ATXN1: variants seen among roughly 807,000 people sequenced by gnomAD.
ATXN1 encodes the protein ataxin-1.
In ATXN1, 8 loss-of-function variants were observed where a neutral mutation model predicts 56.4. The ratio of observed to expected loss-of-function variants is 0.14; its 90% CI spans 0.08 to 0.26. ATXN1 has a LOEUF of 0.26. Among genes scored for constraint, ATXN1 ranks in the 10% least tolerant of loss-of-function variants. ATXN1 has a pLI of 1.00. For synonymous variants in ATXN1, 514 were observed against 494.6 expected, an observed-to-expected ratio of 1.04 and a Z score of -0.52; for missense variants, 987 against 1,106.5, an observed-to-expected ratio of 0.89 and a Z score of 1.53.
chr6:16,529,517 G>A (rs929632356), intron 4 of ATXN1, among the ~76,000 whole-genome samples: 7 of 152,082 alleles, frequency 4.6e-5, no homozygotes, highest in East Asian at 1.9e-4. Context: ...TTGAACACCC[G>A]CTCATCTGAC....
At chr6:16,342,072 C>T (rs953868600) in intron 6 of ATXN1, among the ~76,000 whole-genome samples, 6 of 151,368 alleles carry the variant, frequency 4.0e-5, no homozygotes, top group Admixed American at 1.3e-4. Context: ...TTGGTAGAGA[C>T]GGGGTTTTAC....
rs769622423 is a variant in ATXN1, at chr6:16,326,888, C to T, written c.1423G>A (p.Ala475Thr). The change falls in exon 7 of 8, where the codon GCC becomes ACC. Residue 475 changes from alanine to threonine, a missense_variant. Physicochemically the swap from Ala to Thr is moderately conservative, Grantham distance 58. This residue lies in a region of ATXN1 where 723 missense variants were observed against 791.7 expected (regional missense o/e 0.91). Coordinates refer to ENST00000436367, the MANE Select transcript of ATXN1 (RefSeq NM_001128164.2). The surrounding 1 kb of genome is among the most constrained non-coding windows in gnomAD (Gnocchi z 6.6). ...LSGQQQAITY[A>T]GSLPQHLVIP... ...ACCAGGTGCTGGGGCAGGCTGCCGG[C>T]GTAGGTGATTGCTTGCTGCTGGCCG... The T allele has an allele frequency of 1.6e-5, 26 of 1,612,302 alleles. No homozygotes were observed. The highest frequency in any genetic ancestry group is 4.5e-5 in the East Asian group (2 of 44,838).
At chr6:16,309,439 G>C (rs1162165273) in intron 7 of ATXN1, among the ~76,000 whole-genome samples, 2 of 151,984 alleles carry the variant, frequency 1.3e-5, no homozygotes, top group Non-Finnish European at 2.9e-5. Flanking sequence ...GAGACAAAAA[G>C]ATGGTCAATA....
At chr6:16,513,971 G>A (rs1255785030) in intron 5 of ATXN1, among the ~76,000 whole-genome samples, 3 of 152,066 alleles carry the variant, frequency 2.0e-5, no homozygotes, top group Non-Finnish European at 2.9e-5. Flanking sequence ...AAAGATTTGG[G>A]GCTGAGGCAC....
chr6:16,381,066 C>T (rs985189654), intron 6 of ATXN1, among the ~76,000 whole-genome samples: 1 of 151,998 alleles, frequency 6.6e-6, no homozygotes, highest in African/African-American at 2.4e-5. Context: ...TCGAGGCAGG[C>T]GGATCATGAG....
At chr6:16,644,899 T>G (rs1244029732) in intron 3 of ATXN1, among the ~76,000 whole-genome samples, 1 of 152,210 alleles carries the variant, frequency 6.6e-6, no homozygotes, top group Non-Finnish European at 1.5e-5. Context: ...TCAAGCAGAC[T>G]TGATATTTTT....
At chr6:16,515,346 T>C (rs1761160981) in intron 5 of ATXN1, among the ~76,000 whole-genome samples, 1 of 152,114 alleles carries the variant, frequency 6.6e-6, no homozygotes, top group Non-Finnish European at 1.5e-5. Flanking sequence ...CTCCAGTGAC[T>C]GCCAACCCCC....
intron 6 of ATXN1, among the ~76,000 whole-genome samples, chr6:16,470,261 G>C (rs1193473338): frequency 1.3e-5 from 2 of 152,112 alleles, no homozygotes; most frequent in Admixed American, 6.6e-5. Context: ...CCACTTATAT[G>C]AGCCACTTAC....
At chr6:16,517,283 G>A (rs1012858207) in intron 5 of ATXN1, among the ~76,000 whole-genome samples, 17 of 152,318 alleles carry the variant, frequency 1.1e-4, no homozygotes, top group Middle Eastern at 3.4e-3. Context: ...AAATACAGTA[G>A]TCAGTTTCTG....
At chr6:16,364,043 A>T (rs1581715250) in intron 6 of ATXN1, among the ~76,000 whole-genome samples, 1 of 152,170 alleles carries the variant, frequency 6.6e-6, no homozygotes, top group East Asian at 1.9e-4. Flanking sequence ...GCTGGCTTTT[A>T]TTTACCATGT....
intron 3 of ATXN1, among the ~76,000 whole-genome samples, chr6:16,604,834 C>T (rs1284460023): frequency 6.6e-6 from 1 of 152,116 alleles, no homozygotes; most frequent in Admixed American, 6.5e-5. Flanking sequence ...AATCCTCCCA[C>T]TTTGGCTTCA....
rs536364609 is a variant in ATXN1 at position 16,694,691 on chromosome 6, G to A, written c.-614-36790C>T. ...AGAGCTGAGAGAGAAACAAGTGGTCGTCTACAATAACCTTCTATCCAACTC... is the reference window on the plus strand; with the variant it reads ...AGAGCTGAGAGAGAAACAAGTGGTCATCTACAATAACCTTCTATCCAACTC... On this transcript the variant is annotated intron_variant, in intron 2 of 7. Transcript: ENST00000436367. Among the ~76,000 whole-genome samples the A allele has an allele frequency of 4.1e-4, 62 of 152,310 alleles. No homozygotes were observed. The Middle Eastern group carries it at 0.01, about 25-fold the overall frequency.
At chr6:16,699,882 A>C (rs960656105) in intron 2 of ATXN1, among the ~76,000 whole-genome samples, 3 of 152,170 alleles carry the variant, frequency 2.0e-5, no homozygotes, top group Non-Finnish European at 4.4e-5. Context: ...TTTTAATGTA[A>C]ATTTCCCAGT....
At chr6:16,721,059 C>T (rs116336378) in intron 2 of ATXN1, among the ~76,000 whole-genome samples, 284 of 152,308 alleles carry the variant, frequency 1.9e-3, no homozygotes, top group African/African-American at 5.9e-3. Flanking sequence ...CCAGCTCCCC[C>T]GTTCCAAATT....
Position 16,606,867 on chromosome 6 carries a change from T to G in ATXN1, c.-488-20960A>C, listed in dbSNP as rs1019793120. Among the ~76,000 whole-genome samples the G allele has an allele frequency of 6.3e-5, 8 of 126,810 alleles. No individual in the cohort carries two copies. The East Asian group carries it at 8.1e-4, about 13-fold the overall frequency. The allele number at this position is 126,810 out of a possible 152,430, so 83.2% of individuals were successfully genotyped here. ...GGGGGAAAGTATACAGTTCCATGAGTTGTGTGTGTGTGTGTGTGTGTTGTT... is the reference window on the plus strand; with the variant it reads ...GGGGGAAAGTATACAGTTCCATGAGGTGTGTGTGTGTGTGTGTGTGTTGTT... On this transcript the variant is annotated intron_variant, in intron 3 of 7. Transcript: ENST00000436367.
At chr6:16,659,591 G>A (rs979770820) in intron 2 of ATXN1, among the ~76,000 whole-genome samples, 2 of 152,194 alleles carry the variant, frequency 1.3e-5, no homozygotes, top group African/African-American at 4.8e-5. Flanking sequence ...CAGGGAGGTT[G>A]ACATACCTCT....
intron 4 of ATXN1, among the ~76,000 whole-genome samples, chr6:16,579,911 T>A (rs1018434333): frequency 3.9e-5 from 6 of 151,978 alleles, no homozygotes; most frequent in African/African-American, 9.7e-5. Context: ...CAGCATATAA[T>A]TGCCAACTCA....
At chr6:16,406,893 G>A (rs188956535) in intron 6 of ATXN1, among the ~76,000 whole-genome samples, 1,619 of 152,294 alleles carry the variant, frequency 0.011, 12 homozygotes, top group Non-Finnish European at 0.016. Flanking sequence ...GGGTGGACGC[G>A]TCAGGTTATA....
Position 16,328,544 on chromosome 6 carries a change from G to C in ATXN1, c.-160-74C>G, listed in dbSNP as rs1760903675. The C allele has an allele frequency of 4.7e-6, 3 of 639,384 alleles. No homozygotes were observed. The South Asian group carries it at 1.7e-4, about 36-fold the overall frequency. 39.6% of individuals were successfully genotyped at this position (639,384 alleles called of 1,614,324 possible). A position where few individuals can be genotyped will look rare whatever the true frequency, so the allele number is the denominator to read the frequency against. On this transcript the variant is annotated intron_variant, in intron 6 of 7. Coordinates refer to ENST00000436367, the MANE Select transcript of ATXN1 (RefSeq NM_001128164.2). This position sits in a 1 kb window ranked among gnomAD's most constrained non-coding sequence, Gnocchi z 6.2. ...AAAGGGAAGGAGGGAAAGGACATCAGAACATGAGCACCGGGGAAAGAACAT... is the reference window on the plus strand; with the variant it reads ...AAAGGGAAGGAGGGAAAGGACATCACAACATGAGCACCGGGGAAAGAACAT...
Sources: gnomAD v4.1 joint callset for allele counts (sites outside exome capture counted in the v4.1 genomes callset) on GRCh38, gnomAD v4.1.1 for gene constraint, gnomAD v4.1.1 regional missense constraint, Gnocchi (gnomAD v3.1) non-coding constraint, MANE v1.5 for transcripts, NCBI Gene and HGNC (gene_info 2026-07-23, HGNC 2026-07-21) for gene names.